The following DDX60L variants were observed in gnomAD, a reference collection of about 807,000 sequenced individuals.
The protein encoded by DDX60L is probable ATP-dependent RNA helicase DDX60-like.
DDX60L carries 191 observed loss-of-function variants against 211.6 expected under a neutral mutation model. The ratio of observed to expected loss-of-function variants is 0.90; its 90% CI spans 0.80 to 1.02. DDX60L has a LOEUF of 1.02. Among genes scored for constraint, DDX60L ranks in the 50% least tolerant of loss-of-function variants. DDX60L has a pLI of 0.00. For synonymous variants in DDX60L, 706 were observed against 694.1 expected (o/e 1.02, Z -0.27); for missense variants, 2,007 against 1,984.1 (o/e 1.01, Z -0.22).
chr4:168,457,938 A>G lies in DDX60L; in HGVS notation c.677T>C (p.Leu226Ser), dbSNP rs200892469. 10 of 1,570,744 alleles carry G rather than the reference A, an allele frequency of 6.4e-6. 1 individual carries two copies. In the East Asian group the frequency reaches 2.3e-4, roughly 36 times the overall value. The change falls in exon 6 of 38, where the codon TTA becomes TCA. Residue 226 changes from leucine (L) to serine (S), a missense_variant. Transcript: ENST00000682922. ...TTTCAAATGTTCAAAATGAGTTGCT[A>G]ATACTAAAACCCTTATTTCTTCCAA... The part of the protein sequence containing the change: ...QHLEEIRVLV[L>S]ATHFEHLKWN...
intron 22 of DDX60L, among the ~76,000 whole-genome samples, chr4:168,408,480 T>A (rs1748131864): frequency 6.6e-6 from 1 of 152,166 alleles, no homozygotes; most frequent in Non-Finnish European, 1.5e-5. Context: ...AATTAGCTGG[T>A]TTCTCTTAAG....
At position 168,427,152 on chromosome 4, in the gene DDX60L, T is replaced by C. The variant is rs1429893341; in HGVS notation, c.1848A>G (p.Ala616=). The change falls in exon 14 of 38, where the codon GCA becomes GCG. Residue 616 remains alanine, a synonymous_variant. Coordinates refer to ENST00000682922, the MANE Select transcript of DDX60L (RefSeq NM_001012967.3). ...RKLEDYLTSC[A]SNSVKFGVEM... ...CAACTCCAAATTTCACTGAATTACT[T>C]GCACATGATGTCAAATAATCTTCCA... 1 of 1,610,470 alleles carries C rather than the reference T, an allele frequency of 6.2e-7. No individual in the cohort carries two copies. The highest frequency in any genetic ancestry group is 8.5e-7 in the Non-Finnish European group (1 of 1,177,748).
chr4:168,384,359 C>T (rs917107720), intron 30 of DDX60L, among the ~76,000 whole-genome samples: 15 of 152,020 alleles, frequency 9.9e-5, no homozygotes, highest in African/African-American at 3.6e-4. Flanking sequence ...TGGTGGTGTA[C>T]ACCTGTAGTC....
chr4:168,385,360 G>C (rs1472868368), intron 29 of DDX60L, among the ~76,000 whole-genome samples: 4 of 152,126 alleles, frequency 2.6e-5, no homozygotes, highest in Non-Finnish European at 5.9e-5. Flanking sequence ...GCCCTCAGAG[G>C]GCATGGAAGC....
rs749588282 is a variant in DDX60L, at chr4:168,379,426, G to C, written c.4300C>G (p.Leu1434Val). 1.2e-5 allele frequency: 19 copies of C among 1,603,544 alleles called. No individual in the cohort carries two copies. The East Asian group carries it at 4.3e-4, about 36-fold the overall frequency. ...SYLHGHEPSNLVFVNFLKRGL... is the reference protein window; with the variant it reads ...SYLHGHEPSNVVFVNFLKRGL... ...CTCTTGAGAAAATTTACAAAAACAAGATTTGAAGGTTCATGACCATGCAAA... is the reference window on the plus strand; with the variant it reads ...CTCTTGAGAAAATTTACAAAAACAACATTTGAAGGTTCATGACCATGCAAA... Residue 1434 changes from leucine (L) to valine (V), a missense_variant, in exon 32 of 38, where the codon CTT becomes GTT. Physicochemically the swap from Leu to Val is conservative, Grantham distance 32. Coordinates refer to ENST00000682922, the MANE Select transcript of DDX60L (RefSeq NM_001012967.3).
Position 168,473,681 on chromosome 4 carries a change from G to A in DDX60L, c.-110-872C>T, listed in dbSNP as rs144288246. 1.3e-3 allele frequency among the ~76,000 whole-genome samples: 200 copies of A among 152,292 alleles called. 4 individuals carry two copies. In the East Asian group the frequency reaches 0.03, roughly 23 times the overall value. On this transcript the variant is annotated intron_variant, in intron 1 of 37. Transcript: ENST00000682922. ...GATTACTAAAGATAACTGAGGAAATGAGTATATATCACAGGTAGAGGAAAT... is the reference window on the plus strand; with the variant it reads ...GATTACTAAAGATAACTGAGGAAATAAGTATATATCACAGGTAGAGGAAAT...
In DDX60L at chr4:168,472,322, G is replaced by A. The variant is rs546156859; in HGVS notation, c.74+133C>T. 1.2e-4 allele frequency: 84 copies of A among 673,944 alleles called. 1 individual carries two copies. The highest frequency in any genetic ancestry group is 6.9e-4 in the East Asian group (25 of 36,476). The allele number at this position is 673,944 out of a possible 1,614,324, so 41.7% of individuals were successfully genotyped here. On this transcript the variant is annotated intron_variant, in intron 3 of 37. Coordinates refer to ENST00000682922, the MANE Select transcript of DDX60L (RefSeq NM_001012967.3). ...AAGACAACTATAGGAAGAAGAGTGC[G>A]TTCCCATCATCTCCAAGCTGCTCCA...
At chr4:168,372,385 C>A (rs1050754307) in intron 35 of DDX60L, among the ~76,000 whole-genome samples, 1 of 152,076 alleles carries the variant, frequency 6.6e-6, no homozygotes, top group South Asian at 2.1e-4. Flanking sequence ...TCTGCAAATT[C>A]TGCCAGTGCA....
At chr4:168,390,468 A>C (rs1363574286) in intron 29 of DDX60L, 3 of 1,369,350 alleles carry the variant, frequency 2.2e-6, no homozygotes, top group Non-Finnish European at 9.4e-7. Context: ...TGAAATGGAG[A>C]TAAACTCCTT....
rs560079475 is a variant in DDX60L at position 168,391,607 on chromosome 4, T to G, written c.3848A>C (p.His1283Pro). The change falls in exon 29 of 38, where the codon CAC (histidine) becomes CCC (proline). Residue 1283 changes from histidine to proline, a missense_variant. His to Pro is a moderately conservative substitution (Grantham distance 77). Coordinates refer to ENST00000682922, the MANE Select transcript of DDX60L (RefSeq NM_001012967.3). ...TATETLALGI[H>P]MPCKSVVFAQ... ...AAAAACAACAGATTTGCATGGCATG[T>G]GGATCCCTAAGGCAAGTGTTTCAGT... 8 of 1,595,714 alleles carry G rather than the reference T, an allele frequency of 5.0e-6. No homozygotes were observed. In the East Asian group the frequency reaches 1.6e-4, roughly 32 times the overall value.
chr4:168,368,848 G>T (rs1286070465), intron 36 of DDX60L, among the ~76,000 whole-genome samples: 1 of 152,208 alleles, frequency 6.6e-6, no homozygotes, highest in Non-Finnish European at 1.5e-5. Context: ...GTTGCATGGG[G>T]CCTGTAGCCC....
At chr4:168,449,666 G>GAAAAAAAAAAAAAAAA (rs1755484258) in intron 8 of DDX60L, among the ~76,000 whole-genome samples, 9 of 19,860 alleles carry the variant, frequency 4.5e-4, no homozygotes, top group African/African-American at 7.0e-4. Context: ...AAAAAAAAAA[G>GAAAAAAAAAAAAAAAA]AAAAAAGAAA....
chr4:168,401,000 G>A, intron 25 of DDX60L, 22 bp from the exon 26 acceptor site: 1 of 1,600,738 alleles, frequency 6.2e-7, no homozygotes, highest in Non-Finnish European at 8.5e-7. Flanking sequence ...TGAAAACAGT[G>A]CTTTGAAAAG....
chr4:168,447,498 G>C (rs1258999182), intron 9 of DDX60L, among the ~76,000 whole-genome samples: 1 of 151,934 alleles, frequency 6.6e-6, no homozygotes, highest in African/African-American at 2.4e-5. Context: ...TCTAGACCTG[G>C]AAATACCATT....
intron 36 of DDX60L, among the ~76,000 whole-genome samples, chr4:168,368,672 T>G (rs1740426150): frequency 6.6e-6 from 1 of 152,150 alleles, no homozygotes; most frequent in Non-Finnish European, 1.5e-5. Context: ...AATGCCAGCC[T>G]GTGAAAGCAG....
At chr4:168,432,086 T>C (rs1000094871) in intron 12 of DDX60L, among the ~76,000 whole-genome samples, 1 of 152,154 alleles carries the variant, frequency 6.6e-6, no homozygotes, top group Non-Finnish European at 1.5e-5. Context: ...GACAATACCA[T>C]GCATATGTAC....
chr4:168,405,850 G>A (rs1401798694), intron 24 of DDX60L, 100 bp downstream of exon 24: 13 of 1,284,894 alleles, frequency 1.0e-5, no homozygotes, highest in East Asian at 8.2e-5. Flanking sequence ...AACAAAAATC[G>A]GAATAAAAAG....
Position 168,361,225 on chromosome 4 carries a change from C to T in DDX60L, c.4929-14G>A. On this transcript the variant is annotated splice_polypyrimidine_tract_variant and intron_variant, in intron 36 of 37. Transcript: ENST00000682922. ...CCCATACGCATCCTAAAGAGAACAA[C>T]ATTTCTTAATTAAAAAGTATAAAAA... is the stretch of plus-strand genomic sequence containing the variant. 1 of 1,536,292 alleles carries T rather than the reference C, an allele frequency of 6.5e-7. No individual in the cohort carries two copies.
rs894064120 is a variant in DDX60L at position 168,415,523 on chromosome 4, T to C, written c.2870-6A>G. The stretch of plus-strand genomic sequence containing the variant: ...GTATCTCTCTCCACAGAGCACTAGA[T>C]ACGAAGAGCAAGAATATCCAAATTA... On this transcript the variant is annotated splice_region_variant and splice_polypyrimidine_tract_variant and intron_variant, in intron 21 of 37. Transcript: ENST00000682922. 11 of 1,547,046 alleles carry C rather than the reference T, an allele frequency of 7.1e-6. No homozygotes were observed. In the African/African-American group the frequency reaches 1.5e-4, roughly 21 times the overall value.
Sources: gnomAD v4.1 joint callset for allele counts (sites outside exome capture counted in the v4.1 genomes callset) on GRCh38, gnomAD v4.1.1 for gene constraint, MANE v1.5 for transcripts, NCBI Gene and HGNC (gene_info 2026-07-23, HGNC 2026-07-21) for gene names.